The following CDH22 variants were observed in gnomAD, a reference collection of about 807,000 sequenced individuals.
CDH22 encodes cadherin 22.
A neutral mutation model predicts 58.4 loss-of-function variants in CDH22; 30 were observed. That is an observed-to-expected ratio of 0.51 (90% CI 0.38 to 0.70). CDH22 has a LOEUF of 0.70. Among genes scored for constraint, CDH22 ranks in the 30% least tolerant of loss-of-function variants. The pLI, the probability that CDH22 is intolerant of heterozygous loss-of-function variation, is 0.00. For synonymous variants in CDH22, 513 were observed against 558.2 expected, an observed-to-expected ratio of 0.92 and a Z score of 1.14; for missense variants, 1,014 against 1,233.9, an observed-to-expected ratio of 0.82 and a Z score of 2.67.
At chr20:46,247,394 G>A (rs1415429605) in intron 2 of CDH22, among the ~76,000 whole-genome samples, 1 of 152,164 alleles carries the variant, frequency 6.6e-6, no homozygotes, top group Non-Finnish European at 1.5e-5. Context: ...ATCAGTGAAT[G>A]CAGCCAACCC....
At position 46,284,223 on chromosome 20, in the gene CDH22, A is replaced by G. The variant is rs149790885; in HGVS notation, c.-400+24032T>C. ...GGAGTGCATGACAGGAAGGTGTGCC[A>G]GAGTCCCTGGGCAGGACAAAGACCA... On this transcript the variant is annotated intron_variant, in intron 1 of 11. Coordinates refer to ENST00000537909, the MANE Select transcript of CDH22 (RefSeq NM_021248.3). 1.4e-4 allele frequency among the ~76,000 whole-genome samples: 22 copies of G among 151,952 alleles called. No individual in the cohort carries two copies. In the East Asian group the frequency reaches 4.1e-3, roughly 28 times the overall value.
chr20:46,194,617 C>T (rs976671942), intron 8 of CDH22, among the ~76,000 whole-genome samples: 3 of 152,188 alleles, frequency 2.0e-5, no homozygotes, highest in South Asian at 2.1e-4. Flanking sequence ...TAGGCACCTG[C>T]GCTAGGCACT....
At chr20:46,291,344 A>G (rs1453380731) in intron 1 of CDH22, among the ~76,000 whole-genome samples, 1 of 152,244 alleles carries the variant, frequency 6.6e-6, no homozygotes, top group Non-Finnish European at 1.5e-5. Context: ...TAACACTTGC[A>G]TCGCACTTAC....
chr20:46,233,471 T>C (rs1017131859), intron 3 of CDH22, among the ~76,000 whole-genome samples: 3 of 152,258 alleles, frequency 2.0e-5, no homozygotes, highest in Non-Finnish European at 4.4e-5. Flanking sequence ...GTATCTGTGA[T>C]AGCATCCTTC....
chr20:46,206,783 A>C (rs1265926430), intron 7 of CDH22, among the ~76,000 whole-genome samples: 1 of 152,204 alleles, frequency 6.6e-6, no homozygotes, highest in Non-Finnish European at 1.5e-5. Flanking sequence ...AGGAGAAGGC[A>C]AACTCCACGT....
intron 1 of CDH22, among the ~76,000 whole-genome samples, chr20:46,268,088 CT>C (rs1450505889): frequency 6.6e-6 from 1 of 152,280 alleles, no homozygotes; most frequent in East Asian, 1.9e-4. Flanking sequence ...CCTCACCCGC[CT>C]AAAGGCATGA....
At chr20:46,263,961 C>A (rs1040484548) in intron 1 of CDH22, among the ~76,000 whole-genome samples, 3 of 152,064 alleles carry the variant, frequency 2.0e-5, no homozygotes, top group Admixed American at 6.6e-5. Context: ...TGGCTCGGAC[C>A]AGGGAGGCTG....
At chr20:46,202,229 C>T (rs577110715) in intron 7 of CDH22, among the ~76,000 whole-genome samples, 2 of 152,144 alleles carry the variant, frequency 1.3e-5, no homozygotes, top group East Asian at 1.9e-4. Context: ...CAAAGGGGGG[C>T]CTGTTTCTTA....
intron 1 of CDH22, among the ~76,000 whole-genome samples, chr20:46,306,505 G>A (rs947416265): frequency 2.6e-5 from 4 of 152,236 alleles, no homozygotes; most frequent in South Asian, 2.1e-4. Flanking sequence ...ACCTGCCCCC[G>A]AGGCACTGGC....
intron 2 of CDH22, among the ~76,000 whole-genome samples, chr20:46,243,462 G>A (rs915281285): frequency 5.3e-5 from 8 of 152,186 alleles, no homozygotes; most frequent in African/African-American, 1.2e-4. Flanking sequence ...ATTAATGCCC[G>A]TCCTGGGCTC....
intron 1 of CDH22, among the ~76,000 whole-genome samples, chr20:46,263,200 T>C (rs2086442163): frequency 6.6e-6 from 1 of 152,176 alleles, no homozygotes; most frequent in Non-Finnish European, 1.5e-5. Flanking sequence ...CATGAAGGGA[T>C]ATGTGGATGG....
chr20:46,181,539 G>A (rs2085783740), intron 10 of CDH22, among the ~76,000 whole-genome samples: 1 of 151,930 alleles, frequency 6.6e-6, no homozygotes, highest in Non-Finnish European at 1.5e-5. Flanking sequence ...CGGTCATTGT[G>A]GAAAGCCTGG....
In CDH22 at chr20:46,251,470, C is replaced by T. The variant is rs1344974879; in HGVS notation, c.-176G>A. Reference sequence around the variant, plus strand: ...CGCGGCCCTGAACGCCGCCCAGCCGCGGGGGTACCCGGCTGGAGGGGGAGG... The same window carrying T: ...CGCGGCCCTGAACGCCGCCCAGCCGTGGGGGTACCCGGCTGGAGGGGGAGG... On this transcript the variant is annotated 5_prime_UTR_variant, in exon 2 of 12. Transcript: ENST00000537909. The surrounding 1 kb of genome is among the most constrained non-coding windows in gnomAD (Gnocchi z 6.7). 6.4e-6 allele frequency: 4 copies of T among 628,244 alleles called. No individual in the cohort carries two copies. The highest frequency in any genetic ancestry group is 6.9e-6 in the Non-Finnish European group (3 of 436,354). 38.9% of individuals were successfully genotyped at this position (628,244 alleles called of 1,614,324 possible).
chr20:46,215,674 AAAAG>A (rs1269866969), intron 5 of CDH22, among the ~76,000 whole-genome samples: 14 of 152,256 alleles, frequency 9.2e-5, no homozygotes, highest in Admixed American at 7.8e-4. Flanking sequence ...GACGGAAAGA[AAAAG>A]AAAGGAAGGA....
intron 1 of CDH22, among the ~76,000 whole-genome samples, chr20:46,253,842 G>T (rs913251514): frequency 6.6e-6 from 1 of 152,198 alleles, no homozygotes; most frequent in Non-Finnish European, 1.5e-5. Context: ...TTGGAGGGAG[G>T]CTGCTGTCAC....
At chr20:46,192,192 C>A (rs569148938) in intron 8 of CDH22, among the ~76,000 whole-genome samples, 3 of 152,128 alleles carry the variant, frequency 2.0e-5, no homozygotes, top group Admixed American at 6.6e-5. Flanking sequence ...TGCTGTATCC[C>A]CAGCAACTGT....
Position 46,213,308 on chromosome 20 carries a change from G to T in CDH22, c.839-120C>A, listed in dbSNP as rs1047779519. 5.9e-6 allele frequency: 4 copies of T among 675,202 alleles called. No individual in the cohort carries two copies. In the East Asian group the frequency reaches 1.1e-4, roughly 18 times the overall value. 41.8% of individuals were successfully genotyped at this position (675,202 alleles called of 1,614,324 possible). A position where few individuals can be genotyped will look rare whatever the true frequency, so the allele number is the denominator to read the frequency against. ...TCTATGGAGGACAGTGCCTGAAAGG[G>T]GCTCTCAGCTTGGCCAGAATGGGGG... On this transcript the variant is annotated intron_variant, in intron 5 of 11. Transcript: ENST00000537909.
At chr20:46,281,351 G>A (rs895790841) in intron 1 of CDH22, among the ~76,000 whole-genome samples, 5 of 152,212 alleles carry the variant, frequency 3.3e-5, no homozygotes, top group African/African-American at 1.2e-4. Context: ...GGAGGCCAGG[G>A]AAGAGTAGAG....
At chr20:46,182,316 T>C (rs1378742385) in intron 10 of CDH22, among the ~76,000 whole-genome samples, 2 of 152,122 alleles carry the variant, frequency 1.3e-5, no homozygotes, top group Non-Finnish European at 2.9e-5. Flanking sequence ...TGGGCCTGTG[T>C]TCTAGTTGAG....
Sources: allele counts gnomAD v4.1 joint callset (sites outside exome capture counted in the v4.1 genomes callset), GRCh38; gene constraint gnomAD v4.1.1; non-coding constraint Gnocchi (gnomAD v3.1); transcripts MANE v1.5; gene names NCBI Gene and HGNC (gene_info 2026-07-23, HGNC 2026-07-21).